TBC1D31: variants seen among roughly 807,000 people sequenced by gnomAD.
The protein encoded by TBC1D31 is WD repeat domain 67.
TBC1D31 carries 99 observed loss-of-function variants against 132.9 expected under a neutral mutation model. The ratio of observed to expected loss-of-function variants is 0.74; its 90% CI spans 0.63 to 0.88. The LOEUF (loss-of-function observed/expected upper bound fraction) is 0.88. Among genes scored for constraint, TBC1D31 ranks in the 40% least tolerant of loss-of-function variants. The pLI, the probability that TBC1D31 is intolerant of heterozygous loss-of-function variation, is 0.00. For missense variants in TBC1D31, 1,134 were observed against 1,256.6 expected, an observed-to-expected ratio of 0.90 and a Z score of 1.48; for synonymous variants, 385 against 419.4, an observed-to-expected ratio of 0.92 and a Z score of 1.00.
intron 7 of TBC1D31, chr8:123,102,316 A>C (rs781234494): frequency 3.1e-5 from 14 of 455,334 alleles, no homozygotes; most frequent in South Asian, 2.0e-4. Flanking sequence ...AATTCTTCCA[A>C]GATTACATGA....
In TBC1D31 at chr8:123,140,734, A is replaced by AT. The variant is rs200936438; in HGVS notation, c.2500-18dup. The AT allele has an allele frequency of 2.6e-3, 4,104 of 1,550,016 alleles. 78 individuals carry two copies. The African/African-American group carries it at 0.046, about 17-fold the overall frequency. ...TATTCTAGCGTTATATAAATTAGTGATTTTTTTTTACAAATGATTTTAACA... is the reference window on the plus strand; with the variant it reads ...TATTCTAGCGTTATATAAATTAGTGATTTTTTTTTTACAAATGATTTTAACA... On this transcript the variant is annotated intron_variant, in intron 17 of 21. Transcript: ENST00000287380.
chr8:123,105,152 A>T, intron 7 of TBC1D31, 136 bp from the exon 8 acceptor site: 3 of 534,044 alleles, frequency 5.6e-6, no homozygotes, highest in Non-Finnish European at 8.6e-6. Context: ...TAGACATTTT[A>T]CTTAAGTTTT....
chr8:123,135,806 T>C (rs1187097892), intron 17 of TBC1D31, among the ~76,000 whole-genome samples: 2 of 152,210 alleles, frequency 1.3e-5, no homozygotes, highest in African/African-American at 4.8e-5. Flanking sequence ...TGGAATTAGA[T>C]GTAATTCATT....
intron 12 of TBC1D31, 116 bp from the exon 13 acceptor site, chr8:123,126,392 T>C: frequency 8.4e-7 from 1 of 1,184,430 alleles, no homozygotes; most frequent in Non-Finnish European, 1.2e-6. Context: ...GTTATTTTCA[T>C]AATTATGTAT....
In TBC1D31 at chr8:123,087,519, T is replaced by C. The variant is rs1815889000; in HGVS notation, c.519+3179T>C. The stretch of plus-strand genomic sequence containing the variant: ...TTAGGGATTTAAGCCAAATGTCTTT[T>C]CTTCTTTAATTTAGGCCAAAGGTCT... On this transcript the variant is annotated intron_variant, in intron 4 of 21. Coordinates refer to ENST00000287380, the MANE Select transcript of TBC1D31 (RefSeq NM_145647.4). 2.0e-5 allele frequency among the ~76,000 whole-genome samples: 3 copies of C among 152,352 alleles called. No individual in the cohort carries two copies. In the South Asian group the frequency reaches 6.2e-4, roughly 32 times the overall value.
chr8:123,156,929 A>G (rs1055158398), downstream of TBC1D31, among the ~76,000 whole-genome samples: 24 of 152,054 alleles, frequency 1.6e-4, no homozygotes, highest in African/African-American at 5.6e-4. Flanking sequence ...ACCCTAACCC[A>G]GAGCTGTGCG....
At chr8:123,138,327 A>G (rs972218384) in intron 17 of TBC1D31, among the ~76,000 whole-genome samples, 1 of 152,222 alleles carries the variant, frequency 6.6e-6, no homozygotes, top group Non-Finnish European at 1.5e-5. Flanking sequence ...TTTTGATAAT[A>G]AGCATCTTCA....
chr8:123,109,938 C>T (rs982904478), intron 10 of TBC1D31, among the ~76,000 whole-genome samples: 4 of 152,062 alleles, frequency 2.6e-5, no homozygotes, highest in Non-Finnish European at 2.9e-5. Context: ...ACTAAAAATA[C>T]AAAAATTAGC....
At chr8:123,157,088 G>A (rs920101343), downstream of TBC1D31, among the ~76,000 whole-genome samples, 1 of 152,380 alleles carries the variant, frequency 6.6e-6, no homozygotes, top group South Asian at 2.1e-4. Flanking sequence ...GGGTGGTCTT[G>A]GCGGGGGTAC....
chr8:123,126,616 A>C lies in TBC1D31; in HGVS notation c.1813A>C (p.Met605Leu). The C allele has an allele frequency of 2.5e-6, 4 of 1,614,012 alleles. No homozygotes were observed. Among genetic ancestry groups the C allele is most frequent in the Non-Finnish European group, 3.4e-6 (4 of 1,179,968 alleles). ...IFSNHPSFLLMTVVAYNICSR... is the reference protein window; with the variant it reads ...IFSNHPSFLLLTVVAYNICSR... ...TTCCAACCATCCTTCCTTCCTTCTG[A>C]TGACTGTTGTAGCCTACAACATATG... Residue 605 changes from methionine to leucine, a missense_variant, in exon 13 of 22, where the codon ATG becomes CTG. Coordinates refer to ENST00000287380, the MANE Select transcript of TBC1D31 (RefSeq NM_145647.4).
At chr8:123,156,365 TG>T (rs1199421820), downstream of TBC1D31, among the ~76,000 whole-genome samples, 1 of 146,202 alleles carries the variant, frequency 6.8e-6, no homozygotes, top group Non-Finnish European at 1.5e-5. Context: ...TGGTTGAACC[TG>T]GGAGGCGGAG....
intron 1 of TBC1D31, chr8:123,073,442 G>C (rs908386366): frequency 2.2e-6 from 1 of 455,816 alleles, no homozygotes. Flanking sequence ...GTATGTAGGG[G>C]CTGGGGCGTT....
At chr8:123,096,769 C>T (rs555447436) in intron 5 of TBC1D31, among the ~76,000 whole-genome samples, 1 of 152,198 alleles carries the variant, frequency 6.6e-6, no homozygotes, top group African/African-American at 2.4e-5. Flanking sequence ...GAGTGAGCAA[C>T]GGCCTTGCAA....
At chr8:123,123,310 C>G (rs1029698815) in intron 11 of TBC1D31, 3 of 158,608 alleles carry the variant, frequency 1.9e-5, no homozygotes, top group Non-Finnish European at 4.3e-5. Flanking sequence ...GATTAAGTTT[C>G]ATCATGAAAG....
chr8:123,093,567 C>T, intron 4 of TBC1D31, 24 bp from the exon 5 acceptor site: 1 of 1,551,592 alleles, frequency 6.4e-7, no homozygotes, highest in South Asian at 1.2e-5. Context: ...TATGTGAAAA[C>T]TAACTTTCTC....
chr8:123,161,139 A>C, the TBC1D31 span, among the ~76,000 whole-genome samples: 7 of 152,182 alleles, frequency 4.6e-5, no homozygotes, highest in South Asian at 1.4e-3. Context: ...CGAGGGCCTC[A>C]GCCTGCGCCT....
Position 123,119,944 on chromosome 8 carries a change from TA to T in TBC1D31, c.1437-110del, listed in dbSNP as rs1157533477. On this transcript the variant is annotated intron_variant, in intron 10 of 21. Transcript: ENST00000287380. Reference sequence around the variant, plus strand: ...ACTTCTGGAGAGGTGAACTAGATGATAGGGGTACAAGGAAGAATTTTCACCA... The same window carrying T: ...ACTTCTGGAGAGGTGAACTAGATGATGGGGTACAAGGAAGAATTTTCACCA... 2.7e-5 allele frequency: 24 copies of T among 879,606 alleles called. No homozygotes were observed. In the East Asian group the frequency reaches 5.5e-4, roughly 20 times the overall value. The allele number at this position is 879,606 out of a possible 1,614,324, so 54.5% of individuals were successfully genotyped here. A position where few individuals can be genotyped will look rare whatever the true frequency, so the allele number is the denominator to read the frequency against.
At chr8:123,128,234 T>C (rs563370061) in intron 13 of TBC1D31, 47 bp from the exon 14 acceptor site, 19 of 953,996 alleles carry the variant, frequency 2.0e-5, no homozygotes, top group Non-Finnish European at 3.2e-5. Flanking sequence ...TACCTCATAA[T>C]TGCTTTGTCA....
chr8:123,114,228 C>T (rs1818709729), intron 10 of TBC1D31, among the ~76,000 whole-genome samples: 1 of 152,156 alleles, frequency 6.6e-6, no homozygotes, highest in South Asian at 2.1e-4. Context: ...GCGACAGGCT[C>T]ATGGGGCATG....
Sources: gnomAD v4.1 joint callset for allele counts (sites outside exome capture counted in the v4.1 genomes callset) on GRCh38, gnomAD v4.1.1 for gene constraint, MANE v1.5 for transcripts, NCBI Gene and HGNC (gene_info 2026-07-23, HGNC 2026-07-21) for gene names.